SLC49A4: variants seen among roughly 807,000 people sequenced by gnomAD.
SLC49A4 encodes solute carrier family 49 member 4.
In SLC49A4, 36 loss-of-function variants were observed where a neutral mutation model predicts 50.6. That is an observed-to-expected ratio of 0.71 (90% confidence interval 0.55 to 0.94). The LOEUF (loss-of-function observed/expected upper bound fraction) is 0.94, where lower values mean the gene tolerates loss of function less well. Among genes scored for constraint, SLC49A4 ranks in the 40% least tolerant of loss-of-function variants. SLC49A4 has a pLI of 0.00. For missense variants in SLC49A4, 503 were observed against 605.7 expected (o/e 0.83, Z 1.78); for synonymous variants, 248 against 241.2 (o/e 1.03, Z -0.26).
chr3:122,872,391 A>G (rs1175983997), intron 7 of SLC49A4, 24 bp from the exon 8 acceptor site: 5 of 1,591,178 alleles, frequency 3.1e-6, no homozygotes, highest in Middle Eastern at 1.7e-4. Context: ...GTGTGAAACT[A>G]AAATGTTTGT....
chr3:122,801,553 C>T lies in SLC49A4; in HGVS notation c.344-5304C>T, dbSNP rs1054291293. On this transcript the variant is annotated intron_variant, in intron 1 of 8. Transcript: ENST00000261038. ...TTGCAGTGAGCTGAGATCGAGATCG[C>T]GCCATTACACTCCAGATGAATAGCG... Among the ~76,000 whole-genome samples, 20 of 151,984 alleles carry T rather than the reference C, an allele frequency of 1.3e-4. No homozygotes were observed. The South Asian group carries it at 2.5e-3, about 19-fold the overall frequency.
intron 5 of SLC49A4, 57 bp from the exon 6 acceptor site, chr3:122,856,248 TCC>T: frequency 6.4e-7 from 1 of 1,559,390 alleles, no homozygotes; most frequent in Admixed American, 1.8e-5. Context: ...TTTTTTTCAT[TCC>T]TTTTATATTG....
intron 2 of SLC49A4, among the ~76,000 whole-genome samples, chr3:122,815,024 T>C (rs1936345520): frequency 6.6e-6 from 1 of 152,176 alleles, no homozygotes; most frequent in African/African-American, 2.4e-5. Flanking sequence ...GGTGATATTA[T>C]TGTCTGTATC....
At chr3:122,846,519 C>G (rs969272850) in intron 5 of SLC49A4, among the ~76,000 whole-genome samples, 1 of 152,172 alleles carries the variant, frequency 6.6e-6, no homozygotes, top group African/African-American at 2.4e-5. Context: ...TTACATGTCT[C>G]TATGCACCTC....
chr3:122,828,573 C>G (rs971638624), intron 3 of SLC49A4, among the ~76,000 whole-genome samples: 1 of 152,168 alleles, frequency 6.6e-6, no homozygotes, highest in Non-Finnish European at 1.5e-5. Flanking sequence ...CGCAAACCTT[C>G]TAAGCAGGCC....
At chr3:122,868,225 G>C (rs11922983) in intron 7 of SLC49A4, among the ~76,000 whole-genome samples, 1 of 151,894 alleles carries the variant, frequency 6.6e-6, no homozygotes, top group Non-Finnish European at 1.5e-5. Flanking sequence ...TATGATCCAA[G>C]TCATGTGCTT....
chr3:122,803,808 A>G (rs991418667), intron 1 of SLC49A4, among the ~76,000 whole-genome samples: 3 of 152,228 alleles, frequency 2.0e-5, no homozygotes, highest in African/African-American at 7.2e-5. Context: ...TCCCCAGCAA[A>G]AGGAGTTATC....
chr3:122,825,921 A>G (rs569074753), intron 2 of SLC49A4, among the ~76,000 whole-genome samples: 1 of 152,292 alleles, frequency 6.6e-6, no homozygotes, highest in Non-Finnish European at 1.5e-5. Context: ...GCTAAGGAGA[A>G]TATTGGGAAA....
intron 2 of SLC49A4, among the ~76,000 whole-genome samples, chr3:122,823,173 G>A (rs1281264849): frequency 2.0e-5 from 3 of 152,148 alleles, no homozygotes; most frequent in African/African-American, 7.2e-5. Context: ...CCAGAAATAG[G>A]CCTTACAACA....
At chr3:122,801,380 C>T (rs1358166825) in intron 1 of SLC49A4, among the ~76,000 whole-genome samples, 1 of 152,200 alleles carries the variant, frequency 6.6e-6, no homozygotes, top group Middle Eastern at 3.4e-3. Flanking sequence ...CACCTGAGGT[C>T]AGGAATTCAA....
chr3:122,847,384 G>A (rs904743884), intron 5 of SLC49A4, among the ~76,000 whole-genome samples: 1 of 133,998 alleles, frequency 7.5e-6, no homozygotes, highest in Non-Finnish European at 1.5e-5. Flanking sequence ...GTCTCGCTCT[G>A]TCGCCCAGGC....
chr3:122,842,037 A>AT (rs1244292163), intron 4 of SLC49A4, among the ~76,000 whole-genome samples: 2 of 152,150 alleles, frequency 1.3e-5, no homozygotes, highest in Non-Finnish European at 2.9e-5. Flanking sequence ...ACTTAAGTAA[A>AT]TTTTTTTCCA....
Position 122,795,438 on chromosome 3 carries a change from C to T in SLC49A4, c.246C>T (p.Ala82=). The change falls in exon 1 of 9, where the codon GCC becomes GCT. Residue 82 remains alanine, a synonymous_variant. Coordinates refer to ENST00000261038, the MANE Select transcript of SLC49A4 (RefSeq NM_032839.3). ...CCATCCAGAACTCGGCGCGCCAGGCCTACGGCTTCTCCAGCTGGGACATCG... is the reference window on the plus strand; with the variant it reads ...CCATCCAGAACTCGGCGCGCCAGGCTTACGGCTTCTCCAGCTGGGACATCG... ...WGPIQNSARQ[A]YGFSSWDIAL... The T allele has an allele frequency of 1.9e-6, 3 of 1,607,920 alleles. No homozygotes were observed. The highest frequency in any genetic ancestry group is 2.2e-5 in the East Asian group (1 of 44,728).
In SLC49A4 at chr3:122,826,864, T is replaced by C; in HGVS notation, c.502T>C (p.Phe168Leu). Residue 168 changes from phenylalanine to leucine, a missense_variant, in exon 3 of 9, where the codon TTT becomes CTT. Phe to Leu is a conservative substitution (Grantham distance 22, BLOSUM62 0). Transcript: ENST00000261038. Reference protein sequence around the residue: ...AGPTVMNAAPFLSTTWFSADE... With the variant: ...AGPTVMNAAPLLSTTWFSADE... ...TCCAACTGTAATGAATGCAGCACCA[T>C]TTCTCTCTACGACGTGGTTTTCTGC... is the stretch of plus-strand genomic sequence containing the variant. 1 of 1,614,136 alleles carries C rather than the reference T, an allele frequency of 6.2e-7. No homozygotes were observed. Among genetic ancestry groups the C allele is most frequent in the Non-Finnish European group, 8.5e-7 (1 of 1,179,976 alleles).
chr3:122,811,644 C>G (rs1936301955), intron 2 of SLC49A4, among the ~76,000 whole-genome samples: 1 of 152,176 alleles, frequency 6.6e-6, no homozygotes, highest in Non-Finnish European at 1.5e-5. Flanking sequence ...CTTGTAATAG[C>G]AGAAGGCTGG....
In SLC49A4 at chr3:122,829,472, G is replaced by A. The variant is rs778734214; in HGVS notation, c.703+2407G>A. On this transcript the variant is annotated intron_variant, in intron 3 of 8. Transcript: ENST00000261038. ...AGCATCTATTGGAAACCCACAAGAGGCCTGGCACAGTGGCTTGTGCCTGTA... is the reference window on the plus strand; with the variant it reads ...AGCATCTATTGGAAACCCACAAGAGACCTGGCACAGTGGCTTGTGCCTGTA... Among the ~76,000 whole-genome samples the A allele has an allele frequency of 2.0e-5, 3 of 152,336 alleles. No individual in the cohort carries two copies. In the East Asian group the frequency reaches 5.8e-4, roughly 29 times the overall value.
chr3:122,839,923 A>G (rs1390059427), intron 4 of SLC49A4, among the ~76,000 whole-genome samples: 1 of 152,204 alleles, frequency 6.6e-6, no homozygotes, highest in African/African-American at 2.4e-5. Context: ...TATATGAAAA[A>G]GACGTATGCA....
At chr3:122,812,863 T>C (rs914971824) in intron 2 of SLC49A4, among the ~76,000 whole-genome samples, 3 of 152,180 alleles carry the variant, frequency 2.0e-5, no homozygotes, top group Non-Finnish European at 4.4e-5. Context: ...GTAAAACTCA[T>C]GACTATGTCT....
At chr3:122,797,534 C>T (rs1936064307) in intron 1 of SLC49A4, among the ~76,000 whole-genome samples, 1 of 152,164 alleles carries the variant, frequency 6.6e-6, no homozygotes, top group African/African-American at 2.4e-5. Flanking sequence ...GATACCCAGC[C>T]CTGAATGGGT....
Sources: allele counts gnomAD v4.1 joint callset (sites outside exome capture counted in the v4.1 genomes callset), GRCh38; gene constraint gnomAD v4.1.1; transcripts MANE v1.5; gene names NCBI Gene and HGNC (gene_info 2026-07-23, HGNC 2026-07-21).